OR2AJ1: variants seen among roughly 807,000 people sequenced by gnomAD.
OR2AJ1 encodes olfactory receptor family 2 subfamily AJ member 1, also known as olfactory receptor 2AJ1.
For missense variants in OR2AJ1, 280 were observed against 163.2 expected, an observed-to-expected ratio of 1.72 and a Z score of -3.90; for synonymous variants, 105 against 60.3, an observed-to-expected ratio of 1.74 and a Z score of -3.44.
In OR2AJ1 at chr1:247,933,899, T is replaced by G; in HGVS notation, c.131T>G (p.Leu44Arg). The change falls in exon 2 of 2, where the codon CTC (leucine) becomes CGC (arginine). Residue 44 changes from leucine to arginine, a missense_variant. Coordinates refer to ENST00000318244, the MANE Select transcript of OR2AJ1 (RefSeq NM_001355235.2). The part of the protein sequence containing the change: ...IFIMSVTENT[L>R]MILLIRSDSR... ...ATTATGAGTGTAACAGAAAATACGC[T>G]CATGATCCTCCTCATTCGCAGTGAC... is the stretch of plus-strand genomic sequence containing the variant. 1 of 716,700 alleles carries G rather than the reference T, an allele frequency of 1.4e-6. No individual in the cohort carries two copies. Among genetic ancestry groups the G allele is most frequent in the South Asian group, 1.5e-5 (1 of 67,466 alleles). 44.4% of individuals were successfully genotyped at this position (716,700 alleles called of 1,614,324 possible).
Position 247,934,604 on chromosome 1 carries a change from C to A in OR2AJ1, c.836C>A (p.Thr279Lys), listed in dbSNP as rs1265863535. 4.2e-6 allele frequency: 3 copies of A among 717,752 alleles called. No individual in the cohort carries two copies. Among genetic ancestry groups the A allele is most frequent in the African/African-American group, 1.7e-5 (1 of 57,242 alleles). The allele number at this position is 717,752 out of a possible 1,614,324, so 44.5% of individuals were successfully genotyped here. ...GATAAGTTCCTGGCAATATTCTATA[C>A]GATCCTCACACCCACACTCAACCCT... ...GQDKFLAIFYTILTPTLNPFI... is the reference protein window; with the variant it reads ...GQDKFLAIFYKILTPTLNPFI... Residue 279 changes from threonine to lysine, a missense_variant, in exon 2 of 2, where the codon ACG becomes AAG. Thr to Lys is a moderately conservative substitution (Grantham distance 78). Coordinates refer to ENST00000318244, the MANE Select transcript of OR2AJ1 (RefSeq NM_001355235.2).
chr1:247,933,801 T>A lies in OR2AJ1; in HGVS notation c.33T>A (p.Asp11Glu), dbSNP rs1328954619. The A allele has an allele frequency of 3.2e-6, 2 of 619,260 alleles. No individual in the cohort carries two copies. The highest frequency in any genetic ancestry group is 5.9e-6 in the Non-Finnish European group (2 of 338,534). 38.4% of individuals were successfully genotyped at this position (619,260 alleles called of 1,614,324 possible). Residue 11 changes from aspartate (D) to glutamate (E), a missense_variant, in exon 2 of 2, where the codon GAT becomes GAA. Coordinates refer to ENST00000318244, the MANE Select transcript of OR2AJ1 (RefSeq NM_001355235.2). MGHQNHTFSS[D>E]FILLGLFSSS... ...ATCAGAATCACACTTTCAGCAGTGA[T>A]TTCATACTTTTGGGATTGTTCTCTT... is the stretch of plus-strand genomic sequence containing the variant.
intron 1 of OR2AJ1, among the ~76,000 whole-genome samples, chr1:247,928,682 AT>A (rs1207499848): frequency 6.6e-6 from 1 of 152,184 alleles, no homozygotes; most frequent in East Asian, 1.9e-4. Flanking sequence ...GTGATTGGTG[AT>A]CAACAGGAAA....
chr1:247,925,321 C>T (rs536867987), intron 1 of OR2AJ1, among the ~76,000 whole-genome samples, 153 bp downstream of exon 1: 36 of 152,230 alleles, frequency 2.4e-4, no homozygotes, highest in African/African-American at 7.9e-4. Context: ...ACATAAGCAG[C>T]TAAACTGTAG....
chr1:247,927,495 GGGGT>G (rs1363073196), intron 1 of OR2AJ1, among the ~76,000 whole-genome samples: 3 of 13,294 alleles, frequency 2.3e-4, no homozygotes, highest in East Asian at 1.4e-3. Context: ...AAACATTTAG[GGGGT>G]GTGTGTGTGT....
chr1:247,928,639 A>T (rs116720239), intron 1 of OR2AJ1, among the ~76,000 whole-genome samples: 1 of 152,184 alleles, frequency 6.6e-6, no homozygotes, highest in Non-Finnish European at 1.5e-5. Context: ...CATAAGAAGC[A>T]AGTGTTGATT....
intron 1 of OR2AJ1, among the ~76,000 whole-genome samples, chr1:247,928,177 ATTTTTTGTC>A (rs1660113099): frequency 6.6e-6 from 1 of 152,046 alleles, no homozygotes; most frequent in Non-Finnish European, 1.5e-5. Flanking sequence ...AGCATTTGTT[ATTTTTTGTC>A]TTTTTTGATA....
At chr1:247,925,458 G>C (rs1490540017) in intron 1 of OR2AJ1, among the ~76,000 whole-genome samples, 2 of 152,110 alleles carry the variant, frequency 1.3e-5, no homozygotes, top group East Asian at 1.9e-4. Context: ...AGAAATTGAA[G>C]CCCTTAGAAG....
rs754842691 is a variant in OR2AJ1, at chr1:247,934,592, C to A, written c.824C>A (p.Ala275Glu). ...YHTPGQDKFL[A>E]IFYTILTPTL... ...ACTCCAGGCCAGGATAAGTTCCTGG[C>A]AATATTCTATACGATCCTCACACCC... The change falls in exon 2 of 2, where the codon GCA (alanine) becomes GAA (glutamate). Residue 275 changes from alanine to glutamate, a missense_variant. Transcript: ENST00000318244. 3 of 717,854 alleles carry A rather than the reference C, an allele frequency of 4.2e-6. No individual in the cohort carries two copies. The highest frequency in any genetic ancestry group is 7.8e-6 in the Non-Finnish European group (3 of 385,188). 44.5% of individuals were successfully genotyped at this position (717,854 alleles called of 1,614,324 possible).
rs77842379 is a variant in OR2AJ1 at position 247,933,896 on chromosome 1, C to T, written c.128C>T (p.Thr43Met). The T allele has an allele frequency of 3.5e-3, 2,483 of 714,382 alleles. 51 individuals are homozygous for T. In the African/African-American group the frequency reaches 0.038, roughly 11 times the overall value. 44.3% of individuals were successfully genotyped at this position (714,382 alleles called of 1,614,324 possible). ...VIFIMSVTEN[T>M]LMILLIRSDS... ...TTCATTATGAGTGTAACAGAAAATA[C>T]GCTCATGATCCTCCTCATTCGCAGT... is the stretch of plus-strand genomic sequence containing the variant. The change falls in exon 2 of 2, where the codon ACG becomes ATG. Residue 43 changes from threonine (T) to methionine (M), a missense_variant. By Grantham distance (81) the Thr-to-Met change is moderately conservative. Transcript: ENST00000318244.
intron 1 of OR2AJ1, among the ~76,000 whole-genome samples, chr1:247,927,812 T>C (rs1660109853): frequency 6.6e-6 from 1 of 152,192 alleles, no homozygotes; most frequent in Non-Finnish European, 1.5e-5. Context: ...GAACTCAACA[T>C]AATGTCATCC....
At chr1:247,929,981 A>G (rs187436847) in intron 1 of OR2AJ1, among the ~76,000 whole-genome samples, 136 of 152,282 alleles carry the variant, frequency 8.9e-4, no homozygotes, top group Middle Eastern at 6.8e-3. Flanking sequence ...TAATAGTTAA[A>G]TTTCATCCAG....
chr1:247,930,670 ATAATT>A (rs1418347236), intron 1 of OR2AJ1, among the ~76,000 whole-genome samples: 1 of 152,212 alleles, frequency 6.6e-6, no homozygotes, highest in African/African-American at 2.4e-5. Context: ...AGTTGGCTAA[ATAATT>A]TAAGGAGCCT....
intron 1 of OR2AJ1, among the ~76,000 whole-genome samples, chr1:247,925,647 T>A (rs1660083025): frequency 6.6e-6 from 1 of 152,176 alleles, no homozygotes; most frequent in African/African-American, 2.4e-5. Context: ...TGTCTGCAAA[T>A]GCAAAGTTGT....
Position 247,935,076 on chromosome 1 carries a change from T to C in OR2AJ1, c.*321T>C, listed in dbSNP as rs1453292533. 1 of 190,058 alleles carries C rather than the reference T, an allele frequency of 5.3e-6. No homozygotes were observed. The highest frequency in any genetic ancestry group is 1.4e-4 in the East Asian group (1 of 7,176). The allele number at this position is 190,058 out of a possible 1,614,324, so 11.8% of individuals were successfully genotyped here. Reference sequence around the variant, plus strand: ...ATCCATGTTTATTTTTATAAAACTTTGTTAAATTATATTGCTAACAATCAC... The same window carrying C: ...ATCCATGTTTATTTTTATAAAACTTCGTTAAATTATATTGCTAACAATCAC... On this transcript the variant is annotated 3_prime_UTR_variant, in exon 2 of 2. Coordinates refer to ENST00000318244, the MANE Select transcript of OR2AJ1 (RefSeq NM_001355235.2).
At chr1:247,928,531 A>G (rs1660116348) in intron 1 of OR2AJ1, among the ~76,000 whole-genome samples, 1 of 152,034 alleles carries the variant, frequency 6.6e-6, no homozygotes, top group South Asian at 2.1e-4. Flanking sequence ...GTGTGTTTCT[A>G]TCTTGTTGCC....
chr1:247,930,555 C>T (rs532482934), intron 1 of OR2AJ1, among the ~76,000 whole-genome samples: 1 of 152,190 alleles, frequency 6.6e-6, no homozygotes, highest in South Asian at 2.1e-4. Context: ...GCACAGTAAA[C>T]AGATAGGAAC....
intron 1 of OR2AJ1, among the ~76,000 whole-genome samples, chr1:247,932,442 G>A (rs1660164438): frequency 6.6e-6 from 1 of 152,136 alleles, no homozygotes; most frequent in South Asian, 2.1e-4. Flanking sequence ...ACTCTTCTAG[G>A]TCATAGCACA....
chr1:247,934,702 A>G lies in OR2AJ1; in HGVS notation c.934A>G (p.Lys312Glu), dbSNP rs1221030192. Residue 312 changes from lysine to glutamate, a missense_variant, in exon 2 of 2, where the codon AAA (lysine) becomes GAA (glutamate). By Grantham distance (56) the Lys-to-Glu change is moderately conservative (BLOSUM62 1). Transcript: ENST00000318244. The part of the protein sequence containing the change: ...KNMLKSNFLH[K>E]KMNRKIPECV... ...TATGCTCAAAAGTAACTTTCTGCACAAAAAAATGAATAGGAAAATTCCTGA... is the reference window on the plus strand; with the variant it reads ...TATGCTCAAAAGTAACTTTCTGCACGAAAAAATGAATAGGAAAATTCCTGA... 2 of 714,290 alleles carry G rather than the reference A, an allele frequency of 2.8e-6. No individual in the cohort carries two copies. Among genetic ancestry groups the G allele is most frequent in the Non-Finnish European group, 5.2e-6 (2 of 384,808 alleles). 44.2% of individuals were successfully genotyped at this position (714,290 alleles called of 1,614,324 possible).
Sources: gnomAD v4.1 joint callset for allele counts (sites outside exome capture counted in the v4.1 genomes callset) on GRCh38, gnomAD v4.1.1 for gene constraint, MANE v1.5 for transcripts, NCBI Gene and HGNC (gene_info 2026-07-23, HGNC 2026-07-21) for gene names.